AXIN1: variants seen among roughly 807,000 people sequenced by gnomAD.
The protein encoded by AXIN1 is axin-1.
A neutral mutation model predicts 76.4 loss-of-function variants in AXIN1; 30 were observed. The observed-to-expected ratio is 0.39, with a 90% CI of 0.29 to 0.53. The LOEUF (loss-of-function observed/expected upper bound fraction) is 0.53, where lower values mean the gene tolerates loss of function less well. AXIN1 is among the 20% of genes least tolerant of loss of function. AXIN1 has a pLI of 0.66. For synonymous variants in AXIN1, 545 were observed against 501.4 expected, an observed-to-expected ratio of 1.09 and a Z score of -1.16; for missense variants, 1,140 against 1,198.8, an observed-to-expected ratio of 0.95 and a Z score of 0.72.
At chr16:304,074 C>T (rs1382033127) in intron 5 of AXIN1, among the ~76,000 whole-genome samples, 1 of 152,210 alleles carries the variant, frequency 6.6e-6, no homozygotes, top group Admixed American at 6.5e-5. Context: ...TGCAGGTGAC[C>T]AAGGTGGGTC....
At chr16:305,488 A>G (rs1360155683) in intron 4 of AXIN1, among the ~76,000 whole-genome samples, 2 of 152,044 alleles carry the variant, frequency 1.3e-5, no homozygotes, top group Admixed American at 1.3e-4. Context: ...AATAATAACA[A>G]TACATCTGCA....
At chr16:309,269 G>T (rs372247211) in intron 4 of AXIN1, among the ~76,000 whole-genome samples, 2 of 150,654 alleles carry the variant, frequency 1.3e-5, no homozygotes, top group African/African-American at 4.9e-5. Flanking sequence ...GGCAGAGCTT[G>T]CAGTGACAGC....
intron 2 of AXIN1, among the ~76,000 whole-genome samples, chr16:332,437 C>T (rs566765770): frequency 2.6e-5 from 4 of 151,698 alleles, no homozygotes; most frequent in Admixed American, 1.3e-4. Context: ...ATTAGCTGGG[C>T]GTGGTGGCGG....
At chr16:310,198 T>G in intron 3 of AXIN1, 129 bp from the exon 4 acceptor site, 1 of 764,270 alleles carries the variant, frequency 1.3e-6, no homozygotes, top group Non-Finnish European at 2.3e-6. Flanking sequence ...CCACCACCAC[T>G]GAGACACGTG....
At chr16:320,743 A>ATATATATATAT (rs397722732) in intron 2 of AXIN1, among the ~76,000 whole-genome samples, 13 of 107,664 alleles carry the variant, frequency 1.2e-4, no homozygotes, top group East Asian at 4.5e-4. Context: ...ATATATATAT[A>ATATATATATAT]TTTTTTTTTT....
At chr16:321,030 G>GC (rs1439607809) in intron 2 of AXIN1, among the ~76,000 whole-genome samples, 28 of 152,180 alleles carry the variant, frequency 1.8e-4, no homozygotes, top group East Asian at 9.6e-4. Flanking sequence ...AAGCCACTGC[G>GC]CCTGCCCACA....
At chr16:320,733 A>ATTTTTTT (rs1567286959) in intron 2 of AXIN1, among the ~76,000 whole-genome samples, 2 of 86,230 alleles carry the variant, frequency 2.3e-5, no homozygotes, top group African/African-American at 1.5e-4. Context: ...GTATATATAT[A>ATTTTTTT]TATATATATA....
chr16:311,818 C>G (rs2053188273), intron 3 of AXIN1, among the ~76,000 whole-genome samples: 1 of 152,200 alleles, frequency 6.6e-6, no homozygotes, highest in Non-Finnish European at 1.5e-5. Context: ...GGAAGCACGG[C>G]AGCTCCAGGG....
rs367711547 is a variant in AXIN1 at position 321,735 on chromosome 16, A to G, written c.879-7052T>C. 1.9e-4 allele frequency among the ~76,000 whole-genome samples: 29 copies of G among 152,304 alleles called. No homozygotes were observed. The East Asian group carries it at 4.2e-3, about 22-fold the overall frequency. ...AACCCACGAAGGGTTAAACCCTCTCATAGCTGGGAATATGAGGTAGAAGGT... is the reference window on the plus strand; with the variant it reads ...AACCCACGAAGGGTTAAACCCTCTCGTAGCTGGGAATATGAGGTAGAAGGT... On this transcript the variant is annotated intron_variant, in intron 2 of 10. Transcript: ENST00000262320.
intron 3 of AXIN1, among the ~76,000 whole-genome samples, chr16:310,451 C>T (rs1238422989): frequency 6.6e-6 from 1 of 151,908 alleles, no homozygotes; most frequent in African/African-American, 2.4e-5. Flanking sequence ...GGCTGGAGTG[C>T]AGTGGCACAA....
chr16:309,082 G>A (rs1219281010), intron 4 of AXIN1, among the ~76,000 whole-genome samples: 1 of 152,104 alleles, frequency 6.6e-6, no homozygotes. Flanking sequence ...TGTAATCCCA[G>A]CACTTTGGGA....
chr16:293,780 G>A lies in AXIN1; in HGVS notation c.1956-62C>T. 1 of 1,523,854 alleles carries A rather than the reference G, an allele frequency of 6.6e-7. No individual in the cohort carries two copies. The highest frequency in any genetic ancestry group is 9.0e-7 in the Non-Finnish European group (1 of 1,105,148). The allele number at this position is 1,523,854 out of a possible 1,614,324, so 94.4% of individuals were successfully genotyped here. ...ACACCCTGGCCAGGTGGCCTGGTGG[G>A]GCTACACTCATCTCACAAGGGCAGC... On this transcript the variant is annotated intron_variant, in intron 7 of 10. Coordinates refer to ENST00000262320, the MANE Select transcript of AXIN1 (RefSeq NM_003502.4). The surrounding 1 kb of genome is among the most constrained non-coding windows in gnomAD (Gnocchi z 4.6).
At position 297,749 on chromosome 16, in the gene AXIN1, G is replaced by A. The variant is rs770732045; in HGVS notation, c.1757C>T (p.Pro586Leu). The change falls in exon 6 of 11, where the codon CCC becomes CTC. Residue 586 changes from proline (P) to leucine (L), a missense_variant. Transcript: ENST00000262320. ...GTGGGCGAGGCCATCACTGGCGTTG[G>A]GGGCAGCGCCAACACTCTCTGAGTA... Reference protein sequence around the residue: ...RGYSESVGAAPNASDGLAHSG... With the variant: ...RGYSESVGAALNASDGLAHSG... The A allele has an allele frequency of 1.9e-5, 31 of 1,598,166 alleles. No homozygotes were observed. Among genetic ancestry groups the A allele is most frequent in the Non-Finnish European group, 2.6e-5 (31 of 1,173,718 alleles).
intron 1 of AXIN1, among the ~76,000 whole-genome samples, chr16:348,228 G>A (rs1162460980): frequency 6.6e-6 from 1 of 152,252 alleles, no homozygotes; most frequent in African/African-American, 2.4e-5. Flanking sequence ...CCATGCAGGT[G>A]ACTGAAACAA....
In AXIN1 at chr16:321,397, G is replaced by A. The variant is rs537009142; in HGVS notation, c.879-6714C>T. Among the ~76,000 whole-genome samples the A allele has an allele frequency of 2.7e-3, 405 of 152,326 alleles. 1 individual carries two copies. Among genetic ancestry groups the A allele is most frequent in the Non-Finnish European group, 3.9e-3 (267 of 68,030 alleles). The stretch of plus-strand genomic sequence containing the variant: ...CTCTGCATAGCACGTGCCCCACCCC[G>A]CCAAGACTTCTGTGTTGTTAAAAGT... On this transcript the variant is annotated intron_variant, in intron 2 of 10. Coordinates refer to ENST00000262320, the MANE Select transcript of AXIN1 (RefSeq NM_003502.4).
intron 7 of AXIN1, among the ~76,000 whole-genome samples, chr16:294,093 G>A (rs1292557915): frequency 2.0e-5 from 3 of 152,144 alleles, no homozygotes; most frequent in African/African-American, 7.2e-5. Flanking sequence ...CTGGGGAAGT[G>A]GAGGTTACAG....
In AXIN1 at chr16:349,075, T is replaced by C. The variant is rs189404286; in HGVS notation, c.-81-1969A>G. Among the ~76,000 whole-genome samples the C allele has an allele frequency of 6.6e-5, 10 of 151,834 alleles. No individual in the cohort carries two copies. In the East Asian group the frequency reaches 1.7e-3, roughly 27 times the overall value. ...ACCGCGCCGGCCACTGCACTCCAGC[T>C]TGGGCGACAGAGTGAGACTCTGTCT... On this transcript the variant is annotated intron_variant, in intron 1 of 10. Coordinates refer to ENST00000262320, the MANE Select transcript of AXIN1 (RefSeq NM_003502.4).
chr16:319,213 C>G (rs944831171), intron 2 of AXIN1, among the ~76,000 whole-genome samples: 1 of 152,134 alleles, frequency 6.6e-6, no homozygotes, highest in African/African-American at 2.4e-5. Flanking sequence ...TGGCGCACAC[C>G]TAGAATCCCA....
chr16:330,211 C>G (rs1486386969), intron 2 of AXIN1, among the ~76,000 whole-genome samples: 1 of 151,990 alleles, frequency 6.6e-6, no homozygotes. Flanking sequence ...CAGGTGCATG[C>G]CACCACACTC....
Sources: gnomAD v4.1 joint callset for allele counts (sites outside exome capture counted in the v4.1 genomes callset) on GRCh38, gnomAD v4.1.1 for gene constraint, Gnocchi (gnomAD v3.1) non-coding constraint, MANE v1.5 for transcripts, NCBI Gene and HGNC (gene_info 2026-07-23, HGNC 2026-07-21) for gene names.